The following MPDZ variants were observed in gnomAD, a reference collection of about 807,000 sequenced individuals.
MPDZ encodes multiple PDZ domain crumbs cell polarity complex component, also known as multiple PDZ domain protein.
In MPDZ, 234 loss-of-function variants were observed where a neutral mutation model predicts 239.1. The observed-to-expected ratio is 0.98, with a 90% CI of 0.88 to 1.09. The LOEUF (loss-of-function observed/expected upper bound fraction) is 1.09, where lower values mean the gene tolerates loss of function less well. MPDZ is among the 50% of genes least tolerant of loss of function. The pLI is 0.00. For missense variants in MPDZ, 3,175 were observed against 2,510.0 expected, an observed-to-expected ratio of 1.26 and a Z score of -5.66; for synonymous variants, 1,048 against 881.3, an observed-to-expected ratio of 1.19 and a Z score of -3.35.
Position 13,147,633 on chromosome 9 carries a change from G to C in MPDZ, c.3656C>G (p.Ala1219Gly). The change falls in exon 26 of 47, where the codon GCA (alanine) becomes GGA (glycine). Residue 1219 changes from alanine (A) to glycine (G), a missense_variant. Physicochemically the swap from Ala to Gly is moderately conservative, Grantham distance 60 (BLOSUM62 0). Coordinates refer to ENST00000319217, the MANE Select transcript of MPDZ (RefSeq NM_001378778.1). ...GGCTTCCACAGCTTGTTCATGGCTT[G>C]CATCTCTGAGGTCCATTCCATCCAC... is the stretch of plus-strand genomic sequence containing the variant. ...VEVDGMDLRD[A>G]SHEQAVEAIR... 5.6e-6 allele frequency: 9 copies of C among 1,612,010 alleles called. No homozygotes were observed. The highest frequency in any genetic ancestry group is 5.1e-6 in the Non-Finnish European group (6 of 1,178,666).
At chr9:13,112,255 G>T in intron 42 of MPDZ, 109 bp from the exon 43 acceptor site, 1 of 1,153,252 alleles carries the variant, frequency 8.7e-7, no homozygotes, top group Non-Finnish European at 1.2e-6. Context: ...TAAGTGTGAG[G>T]GGGAAAATGA....
At chr9:13,115,375 A>G (rs768861549) in intron 39 of MPDZ, 41 bp from the exon 40 acceptor site, 52 of 1,450,094 alleles carry the variant, frequency 3.6e-5, no homozygotes, top group East Asian at 6.8e-5. Context: ...AAATGTTTAA[A>G]TAAAATGCTA....
chr9:13,150,764 G>C, intron 24 of MPDZ, 76 bp from the exon 25 acceptor site: 1 of 1,004,134 alleles, frequency 1.0e-6, no homozygotes. Flanking sequence ...ATTTGGCAAT[G>C]ATTTCTTATA....
intron 21 of MPDZ, 115 bp from the exon 22 acceptor site, chr9:13,168,679 T>C: frequency 1.2e-6 from 1 of 834,832 alleles, no homozygotes; most frequent in Non-Finnish European, 1.8e-6. Context: ...AACATTTCAG[T>C]CAATAAAAAG....
In MPDZ at chr9:13,112,494, A is replaced by G. The variant is rs10960950; in HGVS notation, c.5602-348T>C. ...ATACTTGCAAATGCTGGAACTTGGA[A>G]TAAGTCCACTCCACTCAATAAATCA... is the stretch of plus-strand genomic sequence containing the variant. On this transcript the variant is annotated intron_variant, in intron 42 of 46. Transcript: ENST00000319217. Among the ~76,000 whole-genome samples the G allele has an allele frequency of 6.0e-4, 91 of 152,344 alleles. No homozygotes were observed. The East Asian group carries it at 0.011, about 19-fold the overall frequency.
chr9:13,268,731 G>A (rs1416882862), intron 1 of MPDZ, among the ~76,000 whole-genome samples: 1 of 152,144 alleles, frequency 6.6e-6, no homozygotes, highest in African/African-American at 2.4e-5. Flanking sequence ...ATCTGCTAAG[G>A]CAACAAAACC....
intron 32 of MPDZ, among the ~76,000 whole-genome samples, chr9:13,132,272 T>G (rs2132068749): frequency 6.6e-6 from 1 of 152,296 alleles, no homozygotes; most frequent in African/African-American, 2.4e-5. Context: ...ACAATAACCC[T>G]TAATATAGGC....
In MPDZ at chr9:13,124,538, A is replaced by C. The variant is rs547631219; in HGVS notation, c.4807+678T>G. Among the ~76,000 whole-genome samples the C allele has an allele frequency of 4.6e-5, 7 of 152,278 alleles. No individual in the cohort carries two copies. The South Asian group carries it at 1.5e-3, about 32-fold the overall frequency. On this transcript the variant is annotated intron_variant, in intron 35 of 46. Transcript: ENST00000319217. ...GCTTGAAACTGTTTTATTACACACC[A>C]GTGTATTCTTTCTCAAAAAGTAACT...
At chr9:13,136,665 A>C in intron 30 of MPDZ, 47 bp downstream of exon 30, 4 of 1,198,442 alleles carry the variant, frequency 3.3e-6, no homozygotes, top group Non-Finnish European at 4.8e-6. Flanking sequence ...TCAGAGAAGA[A>C]ATGCTAACAA....
At chr9:13,110,596 C>A (rs1168282215) in intron 44 of MPDZ, 40 bp downstream of exon 44, 31 of 1,423,280 alleles carry the variant, frequency 2.2e-5, no homozygotes, top group Middle Eastern at 3.5e-4. Flanking sequence ...TGTCTTCAGG[C>A]TACCTATATT....
intron 3 of MPDZ, among the ~76,000 whole-genome samples, chr9:13,244,963 T>G (rs1232321873): frequency 6.6e-6 from 1 of 152,062 alleles, no homozygotes; most frequent in Non-Finnish European, 1.5e-5. Context: ...TATTTTCTAA[T>G]AATAGTAAAA....
At chr9:13,253,240 C>G (rs1588134457) in intron 1 of MPDZ, among the ~76,000 whole-genome samples, 1 of 132,082 alleles carries the variant, frequency 7.6e-6, no homozygotes, top group East Asian at 2.1e-4. Context: ...AAAAAAAAAG[C>G]CCCCAGATGA....
In MPDZ at chr9:13,224,613, T is replaced by G. The variant is rs1344328794; in HGVS notation, c.184-30A>C. The G allele has an allele frequency of 2.1e-6, 3 of 1,435,750 alleles. No individual in the cohort carries two copies. In the East Asian group the frequency reaches 7.0e-5, roughly 33 times the overall value. The allele number at this position is 1,435,750 out of a possible 1,614,324, so 88.9% of individuals were successfully genotyped here. A position where few individuals can be genotyped will look rare whatever the true frequency, so the allele number is the denominator to read the frequency against. On this transcript the variant is annotated intron_variant, in intron 3 of 46. Transcript: ENST00000319217. ...GAGTAATGCAGGGATTATTAAGAAT[T>G]TTGACATTCCATAAACTATTTCATA...
At position 13,143,572 on chromosome 9, in the gene MPDZ, G is replaced by T. The variant is rs757770556; in HGVS notation, c.3742-8C>A. On this transcript the variant is annotated splice_polypyrimidine_tract_variant and splice_region_variant and intron_variant, in intron 26 of 46. Transcript: ENST00000319217. Reference sequence around the variant, plus strand: ...GGAAGGCAAAGGGGATTTCTAAAAGGAAACATAAGAGGCGCTGAACGCAAA... The same window carrying T: ...GGAAGGCAAAGGGGATTTCTAAAAGTAAACATAAGAGGCGCTGAACGCAAA... 2 of 1,607,198 alleles carry T rather than the reference G, an allele frequency of 1.2e-6. No homozygotes were observed. Among genetic ancestry groups the T allele is most frequent in the Non-Finnish European group, 1.7e-6 (2 of 1,174,030 alleles).
At chr9:13,178,449 A>G (rs1952810595) in intron 19 of MPDZ, among the ~76,000 whole-genome samples, 1 of 152,026 alleles carries the variant, frequency 6.6e-6, no homozygotes, top group South Asian at 2.1e-4. Context: ...AGCCATTTGT[A>G]TTTCTTCTGT....
In MPDZ at chr9:13,119,622, GTC is replaced by G. The variant is rs1370839914; in HGVS notation, c.5257_5258del (p.Asp1753HisfsTer29). 1 of 1,613,914 alleles carries G rather than the reference GTC, an allele frequency of 6.2e-7. No individual in the cohort carries two copies. Among genetic ancestry groups the G allele is most frequent in the African/African-American group, 1.3e-5 (1 of 75,032 alleles). On this transcript the variant is annotated frameshift_variant, in exon 39 of 47. Coordinates refer to ENST00000319217, the MANE Select transcript of MPDZ (RefSeq NM_001378778.1). LOFTEE classifies it high-confidence loss of function. The stretch of plus-strand genomic sequence containing the variant: ...CATCTGCAATTCCTCCTTTGACAAT[GTC>G]TGACACAAATACTCCAGTATCGTTT... ...KRNDTGVFVS[D>X]IVKGGIADAD...
chr9:13,257,264 C>T (rs1036303570), intron 1 of MPDZ, among the ~76,000 whole-genome samples: 1 of 152,170 alleles, frequency 6.6e-6, no homozygotes, highest in Admixed American at 6.5e-5. Flanking sequence ...TTCCATCATG[C>T]ATGTGGGGAC....
At chr9:13,136,852 A>C (rs545747959) in intron 29 of MPDZ, 49 bp from the exon 30 acceptor site, 2 of 1,094,348 alleles carry the variant, frequency 1.8e-6, no homozygotes, top group African/African-American at 1.6e-5. Flanking sequence ...TAGTATCATA[A>C]AGTTTTATCA....
chr9:13,135,531 A>G, intron 31 of MPDZ: 1 of 152,144 alleles, frequency 6.6e-6, no homozygotes, highest in Non-Finnish European at 1.5e-5. Context: ...TGCCAGAGAA[A>G]TTTTTAACTA....
Sources: allele counts gnomAD v4.1 joint callset (sites outside exome capture counted in the v4.1 genomes callset), GRCh38; gene constraint gnomAD v4.1.1; transcripts MANE v1.5; gene names NCBI Gene and HGNC (gene_info 2026-07-23, HGNC 2026-07-21).